The following TBC1D1 variants were observed in gnomAD, a reference collection of about 807,000 sequenced individuals.
TBC1D1 encodes the protein TBC1 domain family member 1.
Under a neutral mutation model 125.6 loss-of-function variants are expected in TBC1D1, and 89 were observed. The observed-to-expected ratio is 0.71, with a 90% CI of 0.60 to 0.85. TBC1D1 has a LOEUF of 0.85. TBC1D1 is among the 40% of genes least tolerant of loss of function. TBC1D1 has a pLI of 0.00. For synonymous variants in TBC1D1, 565 were observed against 564.1 expected (o/e 1.00, Z -0.02); for missense variants, 1,377 against 1,469.2 (o/e 0.94, Z 1.03).
intron 2 of TBC1D1, among the ~76,000 whole-genome samples, chr4:38,002,707 G>T (rs952992045): frequency 1.3e-5 from 2 of 152,136 alleles, no homozygotes; most frequent in Non-Finnish European, 2.9e-5. Context: ...TAGGTGTTTT[G>T]TGCTCTGAGG....
At chr4:38,023,334 TA>T (rs1370222262) in intron 6 of TBC1D1, among the ~76,000 whole-genome samples, 1 of 151,774 alleles carries the variant, frequency 6.6e-6, no homozygotes, top group Non-Finnish European at 1.5e-5. Context: ...TTTAAAAAAA[TA>T]TAGTAAAAAC....
In TBC1D1 at chr4:38,044,546, G is replaced by T; in HGVS notation, c.1542+56G>T. The T allele has an allele frequency of 2.6e-6, 4 of 1,534,060 alleles. No individual in the cohort carries two copies. In the South Asian group the frequency reaches 5.1e-5, roughly 19 times the overall value. ...TAAATCACTTTTTAGGAGAGTGTAA[G>T]ATTGAGTTCTATGCTTTTATTCCAT... On this transcript the variant is annotated intron_variant, in intron 9 of 19. Coordinates refer to ENST00000261439, the MANE Select transcript of TBC1D1 (RefSeq NM_015173.4).
intron 17 of TBC1D1, among the ~76,000 whole-genome samples, chr4:38,120,348 C>A (rs1194755459): frequency 6.6e-6 from 1 of 152,156 alleles, no homozygotes; most frequent in Non-Finnish European, 1.5e-5. Context: ...ACAGTCCATC[C>A]CATCTTTCAG....
chr4:37,892,509 G>A (rs1713567142), intron 1 of TBC1D1, among the ~76,000 whole-genome samples: 1 of 152,184 alleles, frequency 6.6e-6, no homozygotes, highest in African/African-American at 2.4e-5. Context: ...AAGGGACTAA[G>A]TGGTTCAAAG....
chr4:37,952,007 G>A (rs1727978210), intron 2 of TBC1D1: 1 of 717,550 alleles, frequency 1.4e-6, no homozygotes, highest in Admixed American at 2.0e-5. Context: ...GTATTACAGT[G>A]CTCATCATCA....
chr4:38,033,808 C>A (rs1746682574), intron 7 of TBC1D1, among the ~76,000 whole-genome samples: 1 of 152,196 alleles, frequency 6.6e-6, no homozygotes, highest in Non-Finnish European at 1.5e-5. Flanking sequence ...CCTTTTCAGA[C>A]TGGCTTCTTT....
chr4:38,097,172 T>C (rs1342049894), intron 14 of TBC1D1, among the ~76,000 whole-genome samples: 1 of 152,142 alleles, frequency 6.6e-6, no homozygotes, highest in Non-Finnish European at 1.5e-5. Context: ...ATGCACTTTT[T>C]CTTTTTTGAG....
At chr4:37,916,098 CAAGAGTTGATGCT>C (rs1305941176) in intron 2 of TBC1D1, among the ~76,000 whole-genome samples, 1 of 152,130 alleles carries the variant, frequency 6.6e-6, no homozygotes, top group African/African-American at 2.4e-5. Context: ...TCTGATTATA[CAAGAGTTGATGCT>C]AAATGTAAGA....
chr4:37,906,774 A>G (rs1462768727), intron 2 of TBC1D1, among the ~76,000 whole-genome samples: 2 of 152,326 alleles, frequency 1.3e-5, no homozygotes, highest in East Asian at 3.9e-4. Context: ...GAACTTTTTG[A>G]AGACCCCTTG....
At chr4:37,926,673 C>A (rs980500860) in intron 2 of TBC1D1, among the ~76,000 whole-genome samples, 5 of 152,200 alleles carry the variant, frequency 3.3e-5, no homozygotes, top group African/African-American at 1.2e-4. Context: ...AACCTGGTCC[C>A]CATGGAAAGG....
chr4:38,049,914 AT>A lies in TBC1D1; in HGVS notation c.1910+19del, dbSNP rs1016835293. 8 of 1,600,314 alleles carry A rather than the reference AT, an allele frequency of 5.0e-6. No individual in the cohort carries two copies. Among genetic ancestry groups the A allele is most frequent in the Non-Finnish European group, 6.0e-6 (7 of 1,172,076 alleles). The stretch of plus-strand genomic sequence containing the variant: ...ATGAACGAAAGTAAGATTTGTTTAA[AT>A]TTGTTGCATAAATAGCTGGGGCATA... On this transcript the variant is annotated intron_variant, in intron 11 of 19. Transcript: ENST00000261439.
intron 2 of TBC1D1, among the ~76,000 whole-genome samples, chr4:38,010,192 G>C (rs527385573): frequency 6.6e-6 from 1 of 152,198 alleles, no homozygotes; most frequent in South Asian, 2.1e-4. Flanking sequence ...ATTGTCTTCC[G>C]CCTTATTTAT....
chr4:38,062,976 T>G (rs1329754203), intron 12 of TBC1D1, among the ~76,000 whole-genome samples: 2 of 152,126 alleles, frequency 1.3e-5, no homozygotes, highest in African/African-American at 2.4e-5. Flanking sequence ...AGCTGACCCA[T>G]GACGATGCTA....
At chr4:38,009,605 A>G (rs74785524) in intron 2 of TBC1D1, among the ~76,000 whole-genome samples, 7,582 of 152,298 alleles carry the variant, frequency 0.05, 251 homozygotes, top group South Asian at 0.083. Context: ...ACAGAACTGA[A>G]TATTTCTAAT....
At chr4:38,101,907 T>C (rs1425479414) in intron 14 of TBC1D1, among the ~76,000 whole-genome samples, 1 of 152,128 alleles carries the variant, frequency 6.6e-6, no homozygotes, top group Non-Finnish European at 1.5e-5. Flanking sequence ...TTCTCTTCCT[T>C]TTCCCTCATC....
rs553435112 is a variant in TBC1D1 at position 38,014,018 on chromosome 4, A to G, written c.418-491A>G. On this transcript the variant is annotated intron_variant, in intron 2 of 19. Coordinates refer to ENST00000261439, the MANE Select transcript of TBC1D1 (RefSeq NM_015173.4). This position sits in a 1 kb window ranked among gnomAD's most constrained non-coding sequence, Gnocchi z 5.1. ...GAGCCTTTGTCTTCTTCATCCCACC[A>G]TTTATTAAAGAAGACTTTCCAAAGT... is the stretch of plus-strand genomic sequence containing the variant. Among the ~76,000 whole-genome samples, 2 of 152,224 alleles carry G rather than the reference A, an allele frequency of 1.3e-5. No homozygotes were observed. Among genetic ancestry groups the G allele is most frequent in the Non-Finnish European group, 2.9e-5 (2 of 68,044 alleles).
intron 2 of TBC1D1, among the ~76,000 whole-genome samples, chr4:37,959,749 T>C (rs1052711371): frequency 1.3e-5 from 2 of 152,218 alleles, no homozygotes; most frequent in Admixed American, 6.5e-5. Flanking sequence ...ATCAATAGCC[T>C]GGACTAGATT....
chr4:38,048,541 CTT>C (rs545432990), intron 10 of TBC1D1, among the ~76,000 whole-genome samples: 8 of 131,888 alleles, frequency 6.1e-5, no homozygotes, highest in African/African-American at 1.9e-4. Context: ...AAACACATTT[CTT>C]TTTTTTTTTT....
chr4:38,110,729 T>C (rs969272882), intron 15 of TBC1D1: 3 of 985,356 alleles, frequency 3.0e-6, no homozygotes, highest in South Asian at 4.7e-5. Flanking sequence ...ACTTCTCTGC[T>C]TTGTGGTAAG....
Sources: allele counts gnomAD v4.1 joint callset (sites outside exome capture counted in the v4.1 genomes callset), GRCh38; gene constraint gnomAD v4.1.1; non-coding constraint Gnocchi (gnomAD v3.1); transcripts MANE v1.5; gene names NCBI Gene and HGNC (gene_info 2026-07-23, HGNC 2026-07-21).